Variants in NR2C2 observed in about 807,000 individuals in gnomAD.
The protein encoded by NR2C2 is nuclear receptor subfamily 2 group C member 2, also known as Nuclear hormone receptor TR4.
In NR2C2, 6 loss-of-function variants were observed where a neutral mutation model predicts 62.9. That is an observed-to-expected ratio of 0.10 (90% CI 0.05 to 0.19). NR2C2 has a LOEUF of 0.19. Ranked by LOEUF, NR2C2 falls within the 10% of genes least tolerant of loss-of-function variation. NR2C2 has a pLI of 1.00. For synonymous variants in NR2C2, 272 were observed against 273.8 expected (o/e 0.99, Z 0.07); for missense variants, 479 against 762.7 (o/e 0.63, Z 4.38).
intron 11 of NR2C2, among the ~76,000 whole-genome samples, chr3:15,036,690 C>T (rs2042112567): frequency 6.6e-6 from 1 of 152,192 alleles, no homozygotes; most frequent in South Asian, 2.1e-4. Flanking sequence ...TGAGGTTTCG[C>T]TGTGCTGCCT....
chr3:14,958,943 T>C (rs1405379216), intron 1 of NR2C2, among the ~76,000 whole-genome samples: 1 of 152,252 alleles, frequency 6.6e-6, no homozygotes, highest in African/African-American at 2.4e-5. Context: ...GCCACTGCAC[T>C]CCAGCCTGGC....
rs1470670268 is a variant in NR2C2, at chr3:15,046,790, G to A, written c.*3782G>A. 6.5e-6 allele frequency: 1 copy of A among 152,680 alleles called. No homozygotes were observed. The highest frequency in any genetic ancestry group is 1.5e-5 in the Non-Finnish European group (1 of 68,052). 9.5% of individuals were successfully genotyped at this position (152,680 alleles called of 1,614,324 possible). ...TGCCCACTGGGCCCTGGGAATGCCTGAGCCAGCAGAGCAGATGCCCCACGT... is the reference window on the plus strand; with the variant it reads ...TGCCCACTGGGCCCTGGGAATGCCTAAGCCAGCAGAGCAGATGCCCCACGT... On this transcript the variant is annotated 3_prime_UTR_variant, in exon 14 of 14. Transcript: ENST00000425241.
intron 1 of NR2C2, among the ~76,000 whole-genome samples, chr3:14,991,608 T>G (rs1441385164): frequency 6.6e-6 from 1 of 152,172 alleles, no homozygotes; most frequent in East Asian, 1.9e-4. Context: ...TTTCACAGAG[T>G]GTAACTCTGT....
intron 1 of NR2C2, among the ~76,000 whole-genome samples, chr3:14,984,731 A>G (rs2040468885): frequency 6.6e-6 from 1 of 152,202 alleles, no homozygotes; most frequent in Non-Finnish European, 1.5e-5. Flanking sequence ...GACTATTACA[A>G]CTAAAGTTGC....
intron 1 of NR2C2, among the ~76,000 whole-genome samples, chr3:14,951,135 A>G (rs2039345259): frequency 6.6e-6 from 1 of 152,258 alleles, no homozygotes; most frequent in East Asian, 1.9e-4. Flanking sequence ...GCACTAAGCT[A>G]CCATGATTTT....
intron 1 of NR2C2, among the ~76,000 whole-genome samples, chr3:14,989,976 C>G (rs2040623696): frequency 6.7e-6 from 1 of 148,576 alleles, no homozygotes; most frequent in South Asian, 2.1e-4. Context: ...GTGGCACATA[C>G]CTGTAGTCCT....
At chr3:14,955,879 C>G (rs6793686) in intron 1 of NR2C2, among the ~76,000 whole-genome samples, 2,077 of 152,230 alleles carry the variant, frequency 0.014, 51 homozygotes, top group African/African-American at 0.047. Context: ...TAGAACTGCT[C>G]TGATACTATA....
intron 1 of NR2C2, among the ~76,000 whole-genome samples, chr3:14,986,764 C>G (rs1311710489): frequency 6.6e-6 from 1 of 152,184 alleles, no homozygotes; most frequent in Non-Finnish European, 1.5e-5. Flanking sequence ...TTAGCATCTG[C>G]TATGGGAGAA....
rs192043113 is a variant in NR2C2, at chr3:14,958,689, C to G, written c.-40+10783C>G. On this transcript the variant is annotated intron_variant, in intron 1 of 13. Transcript: ENST00000425241. ...ATAGGATTTTTTTGTTGTTGTTGTT[C>G]CAGATTGGTTGGGTGCTGCGGCTAA... Among the ~76,000 whole-genome samples, 9 of 152,200 alleles carry G rather than the reference C, an allele frequency of 5.9e-5. No homozygotes were observed. The East Asian group carries it at 1.5e-3, about 26-fold the overall frequency.
chr3:14,962,805 C>T (rs2039725295), intron 1 of NR2C2, among the ~76,000 whole-genome samples: 1 of 151,934 alleles, frequency 6.6e-6, no homozygotes, highest in Non-Finnish European at 1.5e-5. Flanking sequence ...CTTAGTTTCT[C>T]GTACGCTTGA....
chr3:15,029,319 TGATA>T (rs1358555288), intron 8 of NR2C2, among the ~76,000 whole-genome samples: 5 of 152,166 alleles, frequency 3.3e-5, no homozygotes, highest in East Asian at 3.9e-4. Flanking sequence ...TGATAGTGGC[TGATA>T]GATAGTGATA....
chr3:14,976,843 A>C (rs2040221175), intron 1 of NR2C2, among the ~76,000 whole-genome samples: 1 of 152,014 alleles, frequency 6.6e-6, no homozygotes, highest in African/African-American at 2.4e-5. Flanking sequence ...TATAATAGTC[A>C]GTGCCACTGT....
intron 1 of NR2C2, chr3:14,959,017 T>G (rs535213126): frequency 1.3e-5 from 2 of 152,352 alleles, no homozygotes; most frequent in African/African-American, 4.8e-5. Context: ...AAGATAGTTT[T>G]TCAAACTACA....
intron 1 of NR2C2, among the ~76,000 whole-genome samples, chr3:14,961,023 C>T (rs2125246072): frequency 6.6e-6 from 1 of 152,308 alleles, no homozygotes; most frequent in Admixed American, 6.5e-5. Flanking sequence ...AACTTATCTC[C>T]TCAGTTTCAG....
intron 1 of NR2C2, among the ~76,000 whole-genome samples, chr3:14,983,288 C>CTT (rs773205262): frequency 3.3e-5 from 5 of 152,146 alleles, no homozygotes; most frequent in Non-Finnish European, 5.9e-5. Flanking sequence ...ATTCCATTCT[C>CTT]TATCTCCATG....
intron 2 of NR2C2, among the ~76,000 whole-genome samples, chr3:15,007,501 A>G (rs1179161090): frequency 6.6e-6 from 1 of 152,190 alleles, no homozygotes; most frequent in Non-Finnish European, 1.5e-5. Context: ...CCCTCATAAC[A>G]TGTACCATAA....
intron 1 of NR2C2, 94 bp from the exon 2 acceptor site, chr3:15,003,782 C>A: frequency 2.6e-6 from 2 of 755,476 alleles, no homozygotes; most frequent in South Asian, 1.5e-5. Context: ...GTTCATCACT[C>A]CAGGCCACAG....
Position 14,961,378 on chromosome 3 carries a change from C to G in NR2C2, c.-40+13472C>G, listed in dbSNP as rs551152892. On this transcript the variant is annotated intron_variant, in intron 1 of 13. Coordinates refer to ENST00000425241, the MANE Select transcript of NR2C2 (RefSeq NM_001291694.2). ...TAAAATTGTATTGCAAGATAATCCA[C>G]TTTGTGATTGAGGGAGGGCAGGCAA... is the stretch of plus-strand genomic sequence containing the variant. Among the ~76,000 whole-genome samples, 12 of 152,250 alleles carry G rather than the reference C, an allele frequency of 7.9e-5. 1 individual carries two copies. The South Asian group carries it at 2.5e-3, about 32-fold the overall frequency.
At chr3:15,037,223 GTGTGTGT>G (rs2042130372) in intron 11 of NR2C2, among the ~76,000 whole-genome samples, 1 of 151,222 alleles carries the variant, frequency 6.6e-6, no homozygotes, top group African/African-American at 2.4e-5. Context: ...GTGTGTGTGT[GTGTGTGT>G]GTGTGTGTGT....
Sources: allele counts gnomAD v4.1 joint callset (sites outside exome capture counted in the v4.1 genomes callset), GRCh38; gene constraint gnomAD v4.1.1; transcripts MANE v1.5; gene names NCBI Gene and HGNC (gene_info 2026-07-23, HGNC 2026-07-21).